ST18: variants seen among roughly 807,000 people sequenced by gnomAD.
The protein encoded by ST18 is ST18 C2H2C-type zinc finger transcription factor, also known as suppression of tumorigenicity 18 protein.
Under a neutral mutation model 110.0 loss-of-function variants are expected in ST18, and 50 were observed. That is an observed-to-expected ratio of 0.45 (90% CI 0.36 to 0.58). The LOEUF (loss-of-function observed/expected upper bound fraction) is 0.58. ST18 is among the 20% of genes least tolerant of loss of function. ST18 has a pLI of 0.00. For missense variants in ST18, 1,306 were observed against 1,280.1 expected, an observed-to-expected ratio of 1.02 and a Z score of -0.31; for synonymous variants, 461 against 452.4, an observed-to-expected ratio of 1.02 and a Z score of -0.24.
At chr8:52,121,239 C>T (rs1405474129) in intron 23 of ST18, among the ~76,000 whole-genome samples, 1 of 152,118 alleles carries the variant, frequency 6.6e-6, no homozygotes, top group African/African-American at 2.4e-5. Flanking sequence ...CAAAAGATGG[C>T]TGGAGCTTGT....
intron 2 of ST18, among the ~76,000 whole-genome samples, chr8:52,231,135 T>C (rs2091224463): frequency 6.6e-6 from 1 of 152,204 alleles, no homozygotes; most frequent in South Asian, 2.1e-4. Context: ...TTGTGGGAAA[T>C]TATATATATG....
chr8:52,150,625 G>A (rs2058581564), intron 15 of ST18, among the ~76,000 whole-genome samples: 1 of 152,200 alleles, frequency 6.6e-6, no homozygotes, highest in Admixed American at 6.5e-5. Context: ...ACCGGTGGTG[G>A]TGGGGGCGGT....
At chr8:52,399,242 T>C (rs1265560317) in intron 2 of ST18, among the ~76,000 whole-genome samples, 1 of 151,996 alleles carries the variant, frequency 6.6e-6, no homozygotes, top group East Asian at 1.9e-4. Flanking sequence ...TCAGAATAGT[T>C]CCTTATGATC....
intron 3 of ST18, among the ~76,000 whole-genome samples, chr8:52,227,783 T>C (rs531803781): frequency 1.3e-5 from 2 of 152,292 alleles, no homozygotes; most frequent in African/African-American, 4.8e-5. Context: ...TGTATTCCAA[T>C]AGCGTTTTGA....
chr8:52,304,743 G>A (rs1386469372), intron 2 of ST18, among the ~76,000 whole-genome samples: 1 of 152,178 alleles, frequency 6.6e-6, no homozygotes, highest in Non-Finnish European at 1.5e-5. Context: ...AGACGGTAAA[G>A]TTCAAGATCA....
At chr8:52,132,508 A>G (rs1270667334) in intron 21 of ST18, among the ~76,000 whole-genome samples, 4 of 152,234 alleles carry the variant, frequency 2.6e-5, no homozygotes, top group African/African-American at 9.6e-5. Context: ...AGCCAACCAC[A>G]TAAGGACTAT....
At chr8:52,327,411 C>T (rs1372102245) in intron 2 of ST18, among the ~76,000 whole-genome samples, 4 of 152,202 alleles carry the variant, frequency 2.6e-5, no homozygotes. Context: ...ATAGAACCCA[C>T]TGCATCTTAT....
intron 2 of ST18, among the ~76,000 whole-genome samples, chr8:52,361,748 C>T (rs546217596): frequency 1.3e-5 from 2 of 152,228 alleles, no homozygotes; most frequent in South Asian, 2.1e-4. Context: ...TCTCTAAGAA[C>T]AAATGTTTTA....
chr8:52,254,726 G>A (rs1162093889), intron 2 of ST18, among the ~76,000 whole-genome samples: 1 of 152,142 alleles, frequency 6.6e-6, no homozygotes, highest in Non-Finnish European at 1.5e-5. Context: ...TAATTTTGCA[G>A]GCTCGAGTGT....
At chr8:52,164,143 T>C (rs2062210189) in intron 12 of ST18, 53 bp from the exon 13 acceptor site, 2 of 1,470,352 alleles carry the variant, frequency 1.4e-6, no homozygotes, top group East Asian at 4.5e-5. Flanking sequence ...TAATATGATT[T>C]GTTTTGGCAT....
intron 2 of ST18, among the ~76,000 whole-genome samples, chr8:52,246,998 T>C (rs1362277163): frequency 6.6e-6 from 1 of 152,170 alleles, no homozygotes; most frequent in Non-Finnish European, 1.5e-5. Context: ...GTACTGTAGA[T>C]TCTCTTGTCA....
intron 2 of ST18, among the ~76,000 whole-genome samples, chr8:52,370,370 GTGCA>G (rs1327340759): frequency 6.6e-6 from 1 of 151,616 alleles, no homozygotes; most frequent in Admixed American, 6.6e-5. Context: ...ATGTGTGTGT[GTGCA>G]TGCATGCATG....
At chr8:52,391,756 C>T (rs991796399) in intron 2 of ST18, among the ~76,000 whole-genome samples, 12 of 152,170 alleles carry the variant, frequency 7.9e-5, no homozygotes, top group Non-Finnish European at 2.9e-5. Flanking sequence ...GGATGCATCT[C>T]TCAGAATACA....
At chr8:52,364,183 G>A (rs1294513651) in intron 2 of ST18, among the ~76,000 whole-genome samples, 1 of 152,160 alleles carries the variant, frequency 6.6e-6, no homozygotes. Flanking sequence ...ATTGGATAAT[G>A]ACTCATCATT....
At chr8:52,144,281 A>G (rs557991594) in intron 16 of ST18, among the ~76,000 whole-genome samples, 1 of 152,262 alleles carries the variant, frequency 6.6e-6, no homozygotes, top group Non-Finnish European at 1.5e-5. Context: ...CTAAATCTCA[A>G]AAGTACTGAT....
chr8:52,291,644 AT>A (rs1176230086), intron 2 of ST18, among the ~76,000 whole-genome samples: 1 of 152,196 alleles, frequency 6.6e-6, no homozygotes, highest in Non-Finnish European at 1.5e-5. Context: ...TTTAGAAAAA[AT>A]ATTATATTGT....
intron 2 of ST18, among the ~76,000 whole-genome samples, chr8:52,380,307 T>C (rs1231298690): frequency 6.6e-6 from 1 of 152,232 alleles, no homozygotes; most frequent in East Asian, 1.9e-4. Flanking sequence ...AATATTTTCT[T>C]TTTCTAGCTA....
At chr8:52,212,292 G>A (rs537067017) in intron 7 of ST18, among the ~76,000 whole-genome samples, 183 bp from the exon 8 acceptor site, 43 of 152,152 alleles carry the variant, frequency 2.8e-4, no homozygotes, top group Non-Finnish European at 5.3e-4. Context: ...AGAACAGACC[G>A]GCTGTGGGTT....
chr8:52,126,766 T>C (rs1254762548), intron 22 of ST18, among the ~76,000 whole-genome samples: 1 of 152,238 alleles, frequency 6.6e-6, no homozygotes. Context: ...ACAAGTGTAT[T>C]CAGATGCAAT....
Sources: allele counts gnomAD v4.1 joint callset (sites outside exome capture counted in the v4.1 genomes callset), GRCh38; gene constraint gnomAD v4.1.1; transcripts MANE v1.5; gene names NCBI Gene and HGNC (gene_info 2026-07-23, HGNC 2026-07-21).